LIPA: variants seen among roughly 807,000 people sequenced by gnomAD.
LIPA encodes lipase A, lysosomal acid type.
A neutral mutation model predicts 40.6 loss-of-function variants in LIPA; 26 were observed. The ratio of observed to expected loss-of-function variants is 0.64; its 90% CI spans 0.47 to 0.89. LIPA has a LOEUF of 0.89. LIPA is among the 40% of genes least tolerant of loss of function. The pLI, the probability that LIPA is intolerant of heterozygous loss-of-function variation, is 0.00. For synonymous variants in LIPA, 188 were observed against 168.4 expected, an observed-to-expected ratio of 1.12 and a Z score of -0.90; for missense variants, 455 against 479.6, an observed-to-expected ratio of 0.95 and a Z score of 0.48.
chr10:89,362,964 G>C (rs781659749), intron 2 of LIPA: 14 of 266,246 alleles, frequency 5.3e-5, no homozygotes, highest in Non-Finnish European at 9.7e-5. Flanking sequence ...ACACATTAAG[G>C]TTATCCTTGC....
At chr10:89,404,035 C>T (rs1356057059) in intron 2 of LIPA, 1 of 190,626 alleles carries the variant, frequency 5.2e-6, no homozygotes, top group Non-Finnish European at 1.1e-5. Context: ...AAATCCTTAG[C>T]TCCTCCACCA....
rs368019671 is a variant in LIPA at position 89,306,959 on chromosome 10, C to T, written c.-2+35652G>A. Reference sequence around the variant, plus strand: ...TGATGAGGCCAATGATAATCTCTTCCGTGTCTGTTCCATTCTTGCCAGCCT... The same window carrying T: ...TGATGAGGCCAATGATAATCTCTTCTGTGTCTGTTCCATTCTTGCCAGCCT... On this transcript the variant is annotated intron_variant, in intron 1 of 5. Transcript: ENST00000282673. 64 of 1,613,886 alleles carry T rather than the reference C, an allele frequency of 4.0e-5. 1 individual carries two copies. The highest frequency in any genetic ancestry group is 2.7e-4 in the South Asian group (25 of 91,078).
At chr10:89,263,044 T>G (rs181999354) in intron 1 of LIPA, among the ~76,000 whole-genome samples, 9 of 152,344 alleles carry the variant, frequency 5.9e-5, no homozygotes, top group Middle Eastern at 3.4e-3. Flanking sequence ...TCTTCATGAA[T>G]TCCTTACCTC....
intron 1 of LIPA, chr10:89,327,844 C>T (rs1843614159): frequency 1.9e-6 from 1 of 535,772 alleles, no homozygotes; most frequent in Admixed American, 3.5e-5. Context: ...CGTTAGGTTT[C>T]ATTTTCCTCC....
At chr10:89,251,025 A>G (rs879366378) in intron 1 of LIPA, among the ~76,000 whole-genome samples, 1 of 152,234 alleles carries the variant, frequency 6.6e-6, no homozygotes, top group Non-Finnish European at 1.5e-5. Context: ...AAAAGATAAG[A>G]GCAGTCCAAC....
chr10:89,247,599 A>G lies in LIPA; in HGVS notation c.50T>C (p.Leu17Pro), dbSNP rs886047472. The change falls in exon 2 of 10, where the codon CTG (leucine) becomes CCG (proline). Residue 17 changes from leucine to proline, a missense_variant. Coordinates refer to ENST00000336233, the MANE Select transcript of LIPA (RefSeq NM_000235.4). ...TTTCCCTCCAGACCCCTCAGAATGC[A>G]GGGTCCAGAGAACCAAACAGACCAC... Reference protein sequence around the residue: ...GLVVCLVLWTLHSEGSGGKLT... With the variant: ...GLVVCLVLWTPHSEGSGGKLT... 3 of 1,613,408 alleles carry G rather than the reference A, an allele frequency of 1.9e-6. No individual in the cohort carries two copies. Among genetic ancestry groups the G allele is most frequent in the Middle Eastern group, 1.7e-4 (1 of 6,060 alleles).
At chr10:89,229,764 A>C (rs958625697) in intron 3 of LIPA, among the ~76,000 whole-genome samples, 7 of 151,586 alleles carry the variant, frequency 4.6e-5, no homozygotes, top group Non-Finnish European at 2.9e-5. Flanking sequence ...AAAAAAAAAA[A>C]AAAAGGGAAC....
At chr10:89,302,124 A>G (rs763611519) in intron 1 of LIPA, 7 of 1,613,870 alleles carry the variant, frequency 4.3e-6, no homozygotes, top group East Asian at 2.2e-5. Context: ...CACTGCAACC[A>G]TGAGGTAAAT....
chr10:89,235,935 C>T (rs922322869), intron 3 of LIPA, among the ~76,000 whole-genome samples: 4 of 152,102 alleles, frequency 2.6e-5, no homozygotes, highest in Non-Finnish European at 2.9e-5. Context: ...GGTCCTTAAA[C>T]AACACAGGTT....
intron 2 of LIPA, chr10:89,405,950 C>T (rs539576507): frequency 1.3e-5 from 2 of 152,172 alleles, no homozygotes; most frequent in South Asian, 2.1e-4. Flanking sequence ...AAATTTTGGG[C>T]TTCCAATCCA....
At chr10:89,301,463 G>A (rs989949170) in intron 1 of LIPA, among the ~76,000 whole-genome samples, 2 of 152,178 alleles carry the variant, frequency 1.3e-5, no homozygotes, top group African/African-American at 2.4e-5. Context: ...CTTTGTAAAT[G>A]TGTCCTCCTA....
At chr10:89,279,253 T>G (rs1470205621) in intron 1 of LIPA, among the ~76,000 whole-genome samples, 1 of 152,126 alleles carries the variant, frequency 6.6e-6, no homozygotes, top group Non-Finnish European at 1.5e-5. Context: ...TCCCTGCCCA[T>G]AGTATGGTAT....
chr10:89,276,245 C>T (rs982139269), intron 1 of LIPA, among the ~76,000 whole-genome samples: 2 of 152,182 alleles, frequency 1.3e-5, no homozygotes, highest in East Asian at 1.9e-4. Flanking sequence ...ACTTCACCCT[C>T]ATCCAAGTCC....
rs1699591317 is a variant in LIPA at position 89,331,436 on chromosome 10, G to C, written c.-2+11175C>G. Among the ~76,000 whole-genome samples the C allele has an allele frequency of 2.0e-5, 3 of 152,222 alleles. No homozygotes were observed. In the South Asian group the frequency reaches 6.2e-4, roughly 31 times the overall value. The stretch of plus-strand genomic sequence containing the variant: ...GATGCACCCACCTTGGCCTCCCAAA[G>C]TGCTGAGATTACAGGCGTGAGCCTC... On this transcript the variant is annotated intron_variant, in intron 1 of 5. Transcript: ENST00000282673.
At chr10:89,259,703 T>G (rs1353441609) in intron 1 of LIPA, among the ~76,000 whole-genome samples, 1 of 152,042 alleles carries the variant, frequency 6.6e-6, no homozygotes, top group Non-Finnish European at 1.5e-5. Context: ...TACTCTGCAA[T>G]AAAAGAATAA....
chr10:89,411,918 C>T (rs1841472843), intron 2 of LIPA, among the ~76,000 whole-genome samples: 1 of 152,216 alleles, frequency 6.6e-6, no homozygotes, highest in African/African-American at 2.4e-5. Flanking sequence ...CTTGCTGTTA[C>T]TTGTCTTTGG....
At chr10:89,297,601 C>T (rs61853125) in intron 1 of LIPA, among the ~76,000 whole-genome samples, 12,290 of 152,238 alleles carry the variant, frequency 0.081, 645 homozygotes, top group South Asian at 0.11. Context: ...AAAAAGACAG[C>T]CCCTGATACA....
intron 1 of LIPA, chr10:89,292,459 A>G (rs563115955): frequency 1.3e-5 from 2 of 152,372 alleles, no homozygotes; most frequent in South Asian, 4.1e-4. Context: ...ACATTAGAGA[A>G]CAGACCACTT....
exon 2 of LIPA, chr10:89,412,892 C>T (rs1225555169): frequency 7.5e-6 from 2 of 267,412 alleles, no homozygotes; most frequent in Non-Finnish European, 1.5e-5. Context: ...TCCGCAGCTT[C>T]ATTCTTGAAG....
Sources: gnomAD v4.1 joint callset for allele counts (sites outside exome capture counted in the v4.1 genomes callset) on GRCh38, gnomAD v4.1.1 for gene constraint, MANE v1.5 for transcripts, NCBI Gene and HGNC (gene_info 2026-07-23, HGNC 2026-07-21) for gene names.